Variants in STX8 observed in about 807,000 individuals in gnomAD.
STX8 encodes syntaxin-8.
A neutral mutation model predicts 37.5 loss-of-function variants in STX8; 23 were observed. That is an observed-to-expected ratio of 0.61 (90% confidence interval 0.44 to 0.87). The LOEUF is 0.87. STX8 is among the 40% of genes least tolerant of loss of function. The probability of loss-of-function intolerance (pLI) is 0.00; values close to 1 mark genes in which losing one functional copy is unlikely to be tolerated. For synonymous variants in STX8, 115 were observed against 99.1 expected (o/e 1.16, Z -0.95); for missense variants, 313 against 284.7 (o/e 1.10, Z -0.71).
intron 6 of STX8, among the ~76,000 whole-genome samples, chr17:9,408,273 C>T (rs1024826778): frequency 6.6e-6 from 1 of 151,972 alleles, no homozygotes; most frequent in African/African-American, 2.4e-5. Flanking sequence ...CCATTTGTGG[C>T]GGGAAGATCA....
intron 6 of STX8, among the ~76,000 whole-genome samples, chr17:9,447,317 G>A (rs959570779): frequency 6.6e-6 from 1 of 152,212 alleles, no homozygotes; most frequent in Non-Finnish European, 1.5e-5. Flanking sequence ...TGAAGTGTGT[G>A]CACAATACGT....
chr17:9,509,386 T>C (rs1904949857), intron 4 of STX8, among the ~76,000 whole-genome samples: 1 of 150,876 alleles, frequency 6.6e-6, no homozygotes, highest in South Asian at 2.1e-4. Context: ...GGATTTTATG[T>C]TCAAAGTACT....
intron 4 of STX8, 65 bp downstream of exon 4, chr17:9,545,107 C>CAGCTG: frequency 1.0e-6 from 1 of 993,712 alleles, no homozygotes; most frequent in Admixed American, 2.0e-5. Context: ...ATTCAGGAAA[C>CAGCTG]AGCTGTAGTA....
intron 7 of STX8, among the ~76,000 whole-genome samples, chr17:9,317,676 G>C (rs1163998127): frequency 6.6e-6 from 1 of 151,752 alleles, no homozygotes; most frequent in Non-Finnish European, 1.5e-5. Context: ...TGAGGCAGGA[G>C]AATGTCGTGA....
chr17:9,440,724 C>T (rs967677482), intron 6 of STX8, among the ~76,000 whole-genome samples: 3 of 152,078 alleles, frequency 2.0e-5, no homozygotes, highest in Non-Finnish European at 4.4e-5. Context: ...AGGGTTTTGC[C>T]ATGTTGGCCA....
At chr17:9,279,382 TG>T (rs1050772280) in intron 7 of STX8, among the ~76,000 whole-genome samples, 4 of 152,146 alleles carry the variant, frequency 2.6e-5, no homozygotes, top group African/African-American at 7.2e-5. Context: ...CCACTACAGC[TG>T]GCCATCATCA....
intron 7 of STX8, among the ~76,000 whole-genome samples, chr17:9,347,542 G>T (rs917665226): frequency 6.6e-6 from 1 of 151,950 alleles, no homozygotes; most frequent in Non-Finnish European, 1.5e-5. Context: ...TTGAGACAGG[G>T]TCTCACTCTG....
chr17:9,354,534 C>T (rs1422288314), intron 7 of STX8, among the ~76,000 whole-genome samples: 3 of 151,860 alleles, frequency 2.0e-5, no homozygotes, highest in Admixed American at 2.0e-4. Flanking sequence ...GTTGGTCAGG[C>T]TGGTCTTGAT....
intron 6 of STX8, among the ~76,000 whole-genome samples, chr17:9,410,713 T>A (rs1426812152): frequency 6.6e-6 from 1 of 152,214 alleles, no homozygotes; most frequent in Non-Finnish European, 1.5e-5. Context: ...TGTTTACGTT[T>A]CAACTTGACA....
intron 6 of STX8, among the ~76,000 whole-genome samples, chr17:9,443,155 G>T (rs1904724340): frequency 6.6e-6 from 1 of 152,146 alleles, no homozygotes; most frequent in Admixed American, 6.5e-5. Flanking sequence ...CTCCTTGCAG[G>T]TTACCTTCAA....
At chr17:9,549,331 G>A (rs1211553598) in intron 3 of STX8, among the ~76,000 whole-genome samples, 2 of 152,194 alleles carry the variant, frequency 1.3e-5, no homozygotes, top group Admixed American at 1.3e-4. Flanking sequence ...AGTAAAACTT[G>A]ATGACTATGT....
At chr17:9,393,514 A>G (rs951685521) in intron 6 of STX8, among the ~76,000 whole-genome samples, 3 of 152,246 alleles carry the variant, frequency 2.0e-5, no homozygotes, top group Non-Finnish European at 4.4e-5. Flanking sequence ...GCACGTAAGT[A>G]TAATACATAA....
rs575240217 is a variant in STX8 at position 9,556,750 on chromosome 17, A to AAT, written c.212+682_212+683dup. 83 of 99,522 alleles carry AAT rather than the reference A, an allele frequency of 8.3e-4. 1 individual carries two copies. Among genetic ancestry groups the AAT allele is most frequent in the African/African-American group, 3.2e-3 (74 of 23,278 alleles). 6.2% of individuals were successfully genotyped at this position (99,522 alleles called of 1,614,324 possible). ...CCTGGCCCAGATTATGAATTTCTAA[A>AAT]ATATATATATATATATATATATATA... On this transcript the variant is annotated intron_variant, in intron 3 of 7. Transcript: ENST00000306357.
At chr17:9,467,764 G>A (rs1433871188) in intron 6 of STX8, among the ~76,000 whole-genome samples, 1 of 152,194 alleles carries the variant, frequency 6.6e-6, no homozygotes, top group Non-Finnish European at 1.5e-5. Flanking sequence ...AACTCCAGGT[G>A]GCAGGGGACC....
chr17:9,263,006 A>G (rs1373499585), intron 7 of STX8, among the ~76,000 whole-genome samples: 1 of 152,218 alleles, frequency 6.6e-6, no homozygotes, highest in African/African-American at 2.4e-5. Context: ...AAGTCATATT[A>G]GCATGCTTTT....
chr17:9,462,575 T>C (rs1450718989), intron 6 of STX8, among the ~76,000 whole-genome samples: 1 of 151,964 alleles, frequency 6.6e-6, no homozygotes, highest in African/African-American at 2.4e-5. Context: ...TACAAAAAAT[T>C]CGCTGGGCGT....
Position 9,507,250 on chromosome 17 carries a change from C to T in STX8, c.324-2088G>A, listed in dbSNP as rs1041473811. Among the ~76,000 whole-genome samples the T allele has an allele frequency of 6.6e-6, 1 of 151,728 alleles. No individual in the cohort carries two copies. The highest frequency in any genetic ancestry group is 1.5e-5 in the Non-Finnish European group (1 of 67,884). ...CCTCAATCAGGGCCTGAGAAACAAC[C>T]CTGCAGGCTGCCCCTGGCAGACATA... is the stretch of plus-strand genomic sequence containing the variant. On this transcript the variant is annotated intron_variant, in intron 4 of 7. Coordinates refer to ENST00000306357, the MANE Select transcript of STX8 (RefSeq NM_004853.3). The surrounding 1 kb of genome is among the most constrained non-coding windows in gnomAD (Gnocchi z 4.0).
At chr17:9,363,001 C>T (rs16958201) in intron 7 of STX8, among the ~76,000 whole-genome samples, 28,858 of 151,964 alleles carry the variant, frequency 0.19, 2,901 homozygotes, top group Non-Finnish European at 0.22. Context: ...TTGATGCGGC[C>T]ACCCTGTATG....
chr17:9,429,474 C>A (rs1913767322), intron 6 of STX8, among the ~76,000 whole-genome samples: 1 of 144,416 alleles, frequency 6.9e-6, no homozygotes, highest in Non-Finnish European at 1.5e-5. Context: ...GAGGCCTAGG[C>A]AGGCGGATCA....
Sources: gnomAD v4.1 joint callset for allele counts (sites outside exome capture counted in the v4.1 genomes callset) on GRCh38, gnomAD v4.1.1 for gene constraint, Gnocchi (gnomAD v3.1) non-coding constraint, MANE v1.5 for transcripts, NCBI Gene and HGNC (gene_info 2026-07-23, HGNC 2026-07-21) for gene names.